Variants in LINGO1 observed in about 807,000 individuals in gnomAD.
LINGO1 encodes leucine rich repeat and Ig domain containing 1.
A neutral mutation model predicts 37.3 loss-of-function variants in LINGO1; 11 were observed. The ratio of observed to expected loss-of-function variants is 0.29; its 90% confidence interval spans 0.19 to 0.49. LINGO1 has a LOEUF of 0.49. LINGO1 is among the 20% of genes least tolerant of loss of function. The probability of loss-of-function intolerance (pLI) is 0.99; values close to 1 mark genes in which losing one functional copy is unlikely to be tolerated. For synonymous variants in LINGO1, 387 were observed against 403.0 expected, an observed-to-expected ratio of 0.96 and a Z score of 0.48; for missense variants, 585 against 878.2, an observed-to-expected ratio of 0.67 and a Z score of 4.22.
intron 1 of LINGO1, among the ~76,000 whole-genome samples, chr15:77,818,312 C>T (rs1388205679): frequency 6.6e-6 from 1 of 152,248 alleles, no homozygotes; most frequent in Non-Finnish European, 1.5e-5. Context: ...CACAGCTTTC[C>T]ATCCCATCTT....
At chr15:77,641,421 G>A (rs2074502862) in intron 3 of LINGO1, among the ~76,000 whole-genome samples, 1 of 152,220 alleles carries the variant, frequency 6.6e-6, no homozygotes, top group South Asian at 2.1e-4. Flanking sequence ...AATATCAGCA[G>A]AGGCACCCAG....
upstream of LINGO1, among the ~76,000 whole-genome samples, chr15:77,790,135 A>C (rs2076807209): frequency 1.3e-5 from 2 of 152,156 alleles, no homozygotes; most frequent in South Asian, 4.1e-4. Flanking sequence ...ATTTCTGTTT[A>C]AGCTACCCAG....
chr15:77,680,167 G>A (rs919314894), intron 2 of LINGO1, among the ~76,000 whole-genome samples: 2 of 152,324 alleles, frequency 1.3e-5, no homozygotes, highest in South Asian at 4.1e-4. Context: ...TTCTGGAAGG[G>A]GCTACAAGAT....
rs141978091 is a variant in LINGO1 at position 77,657,702 on chromosome 15, T to C, written c.-13+19387A>G. Among the ~76,000 whole-genome samples, 629 of 152,102 alleles carry C rather than the reference T, an allele frequency of 4.1e-3. 3 individuals carry two copies. Among genetic ancestry groups the C allele is most frequent in the East Asian group, 0.017 (87 of 5,142 alleles). Reference sequence around the variant, plus strand: ...TCTGAAGGGCCCAAGCTGCTTCCTCTGAGGATCTCTCCCCCTCAACTGAAG... The same window carrying C: ...TCTGAAGGGCCCAAGCTGCTTCCTCCGAGGATCTCTCCCCCTCAACTGAAG... On this transcript the variant is annotated intron_variant, in intron 3 of 3. Transcript: ENST00000559893.
chr15:77,784,000 C>T (rs1290941532), intron 1 of LINGO1, among the ~76,000 whole-genome samples: 1 of 152,212 alleles, frequency 6.6e-6, no homozygotes, highest in Non-Finnish European at 1.5e-5. Context: ...GAGGGCTGGC[C>T]AGGGAGGACG....
Position 77,632,310 on chromosome 15 carries a change from C to G in LINGO1, c.6G>C (p.Gln2His), listed in dbSNP as rs1333856256. Residue 2 changes from glutamine to histidine, a missense_variant and splice_region_variant, in exon 1 of 2, where the codon CAG (glutamine) becomes CAC (histidine). Gln to His is a conservative substitution (Grantham distance 24). Transcript: ENST00000355300. The surrounding 1 kb of genome is among the most constrained non-coding windows in gnomAD (Gnocchi z 6.0). MQVSKRMLAGGV... is the reference protein window; with the variant it reads MHVSKRMLAGGV... ...GCTCGGCCGCGGCCGCCTGGCTCAC[C>G]TGCATCTCGGGCGCGCCTTCGGTCC... The G allele has an allele frequency of 2.8e-6, 4 of 1,441,490 alleles. No homozygotes were observed. The highest frequency in any genetic ancestry group is 3.6e-6 in the Non-Finnish European group (4 of 1,098,396). The allele number at this position is 1,441,490 out of a possible 1,614,324, so 89.3% of individuals were successfully genotyped here.
intron 2 of LINGO1, among the ~76,000 whole-genome samples, chr15:77,688,949 T>C (rs2075557267): frequency 6.6e-6 from 1 of 152,260 alleles, no homozygotes; most frequent in South Asian, 2.1e-4. Flanking sequence ...AATGAGGCAA[T>C]GCACACTGGG....
At chr15:77,663,814 C>T (rs1307812316) in intron 3 of LINGO1, among the ~76,000 whole-genome samples, 1 of 152,232 alleles carries the variant, frequency 6.6e-6, no homozygotes, top group African/African-American at 2.4e-5. Context: ...CTCTGTCACC[C>T]TCCATGCAAT....
intron 3 of LINGO1, among the ~76,000 whole-genome samples, chr15:77,671,801 G>A (rs1280628522): frequency 6.6e-6 from 1 of 152,198 alleles, no homozygotes; most frequent in Non-Finnish European, 1.5e-5. Flanking sequence ...CTGGCAGGGT[G>A]GACTGGCCCC....
chr15:77,735,227 A>G (rs1323390539), intron 1 of LINGO1, among the ~76,000 whole-genome samples: 1 of 152,210 alleles, frequency 6.6e-6, no homozygotes, highest in Non-Finnish European at 1.5e-5. Context: ...GGGCAAGCCT[A>G]AAGATGCCAC....
chr15:77,776,870 A>G lies in LINGO1; in HGVS notation c.-257+9999T>C, dbSNP rs1191335613. ...CCCATGAGGTCAGCACTGCTAATAC[A>G]CTCATTTTATAGACACGACACTGAG... On this transcript the variant is annotated intron_variant, in intron 1 of 3. Transcript: ENST00000561686. 3.9e-5 allele frequency among the ~76,000 whole-genome samples: 6 copies of G among 152,008 alleles called. No individual in the cohort carries two copies. In the South Asian group the frequency reaches 6.2e-4, roughly 16 times the overall value.
chr15:77,804,637 G>A (rs2076945199), intron 1 of LINGO1, among the ~76,000 whole-genome samples: 1 of 152,188 alleles, frequency 6.6e-6, no homozygotes, highest in Non-Finnish European at 1.5e-5. Context: ...GCAAGGATGT[G>A]CAGGGGTGTG....
intron 2 of LINGO1, among the ~76,000 whole-genome samples, chr15:77,706,573 T>C (rs1023358427): frequency 1.3e-5 from 2 of 151,616 alleles, no homozygotes; most frequent in Non-Finnish European, 2.9e-5. Context: ...TTCCAGCTCC[T>C]GAACACACCA....
At chr15:77,666,374 T>C (rs1320025514) in intron 3 of LINGO1, among the ~76,000 whole-genome samples, 1 of 152,080 alleles carries the variant, frequency 6.6e-6, no homozygotes, top group Non-Finnish European at 1.5e-5. Flanking sequence ...TCAGAGAACA[T>C]GGGAGGGAGC....
intron 1 of LINGO1, among the ~76,000 whole-genome samples, chr15:77,775,274 C>A (rs1376566699): frequency 6.6e-6 from 1 of 152,202 alleles, no homozygotes; most frequent in Non-Finnish European, 1.5e-5. Flanking sequence ...AATTGAGATT[C>A]CCCTCCCTGG....
At chr15:77,783,679 C>T (rs200430964) in intron 1 of LINGO1, among the ~76,000 whole-genome samples, 3 of 152,158 alleles carry the variant, frequency 2.0e-5, no homozygotes, top group Admixed American at 6.5e-5. Context: ...ATCTCAAAAC[C>T]GTGAGATGCT....
At chr15:77,714,574 G>C (rs35124626) in intron 2 of LINGO1, among the ~76,000 whole-genome samples, 1 of 152,180 alleles carries the variant, frequency 6.6e-6, no homozygotes, top group African/African-American at 2.4e-5. Context: ...AGTCTTACCA[G>C]CTGTCCCTAT....
intron 2 of LINGO1, among the ~76,000 whole-genome samples, chr15:77,704,743 A>C (rs1208392723): frequency 3.3e-5 from 5 of 151,978 alleles, no homozygotes; most frequent in Admixed American, 3.3e-4. Flanking sequence ...ACACACTCTA[A>C]CCCTTGACAC....
chr15:77,795,996 C>T (rs2076869696), exon 2 of LINGO1: 1 of 152,320 alleles, frequency 6.6e-6, no homozygotes, highest in Non-Finnish European at 1.5e-5. Flanking sequence ...CTGGGCTGGA[C>T]TCAGTCGCCC....
Sources: gnomAD v4.1 joint callset for allele counts (sites outside exome capture counted in the v4.1 genomes callset) on GRCh38, gnomAD v4.1.1 for gene constraint, Gnocchi (gnomAD v3.1) non-coding constraint, MANE v1.5 for transcripts, NCBI Gene and HGNC (gene_info 2026-07-23, HGNC 2026-07-21) for gene names.